Variants in WDPCP observed in about 807,000 individuals in gnomAD.
WDPCP encodes the protein WD repeat-containing and planar cell polarity effector protein fritz homolog.
WDPCP carries 71 observed loss-of-function variants against 93.1 expected under a neutral mutation model. That is an observed-to-expected ratio of 0.76 (90% CI 0.63 to 0.93). The LOEUF (loss-of-function observed/expected upper bound fraction) is 0.93, where lower values mean the gene tolerates loss of function less well. WDPCP is among the 40% of genes least tolerant of loss of function. The pLI is 0.00. For missense variants in WDPCP, 844 were observed against 887.4 expected (o/e 0.95, Z 0.62); for synonymous variants, 315 against 315.0 (o/e 1.00, Z 0.00).
chr2:63,141,575 G>A (rs1671065250), intron 17 of WDPCP, among the ~76,000 whole-genome samples: 2 of 152,122 alleles, frequency 1.3e-5, no homozygotes, highest in African/African-American at 4.8e-5. Flanking sequence ...TCGGTCTATA[G>A]TTTTCTTTTT....
intron 1 of WDPCP, among the ~76,000 whole-genome samples, chr2:63,549,019 T>A (rs571403188): frequency 2.0e-5 from 3 of 151,626 alleles, no homozygotes; most frequent in Non-Finnish European, 4.4e-5. Context: ...GAGGCAGAGG[T>A]GGGTGGATCA....
At chr2:63,188,298 C>T (rs1361733043) in intron 14 of WDPCP, among the ~76,000 whole-genome samples, 1 of 152,082 alleles carries the variant, frequency 6.6e-6, no homozygotes, top group African/African-American at 2.4e-5. Context: ...TTCTTTCCTC[C>T]TTTTGAGACT....
chr2:63,737,714 C>T (rs1669658213), intron 2 of WDPCP, among the ~76,000 whole-genome samples: 2 of 152,124 alleles, frequency 1.3e-5, no homozygotes, highest in African/African-American at 2.4e-5. Context: ...AAAACTTAGG[C>T]TCAACCTTTA....
At chr2:63,494,287 T>TGACAACGAC (rs1701076891) in intron 1 of WDPCP, among the ~76,000 whole-genome samples, 3 of 150,334 alleles carry the variant, frequency 2.0e-5, no homozygotes, top group African/African-American at 7.4e-5. Context: ...ATGATGATGA[T>TGACAACGAC]GACGACGACG....
chr2:63,683,666 T>G (rs1013833758), intron 2 of WDPCP, among the ~76,000 whole-genome samples: 2 of 152,054 alleles, frequency 1.3e-5, no homozygotes, highest in African/African-American at 2.4e-5. Flanking sequence ...CTGGCCAACA[T>G]GGTGAAAACC....
At chr2:63,708,879 G>T (rs1247079214) in intron 2 of WDPCP, among the ~76,000 whole-genome samples, 1 of 151,422 alleles carries the variant, frequency 6.6e-6, no homozygotes, top group Non-Finnish European at 1.5e-5. Context: ...CAAAGTGCTG[G>T]GATTGCAGGC....
chr2:63,334,061 A>G (rs1020108544), intron 12 of WDPCP, among the ~76,000 whole-genome samples: 11 of 152,214 alleles, frequency 7.2e-5, no homozygotes, highest in African/African-American at 2.7e-4. Flanking sequence ...AAACACATCC[A>G]TTGGAATTCT....
chr2:63,542,819 T>C (rs1234601386), intron 1 of WDPCP, among the ~76,000 whole-genome samples: 1 of 152,150 alleles, frequency 6.6e-6, no homozygotes, highest in East Asian at 1.9e-4. Context: ...TCTGTGCACA[T>C]ATACATCTGT....
intron 12 of WDPCP, among the ~76,000 whole-genome samples, chr2:63,345,832 A>G (rs1386246197): frequency 1.3e-5 from 2 of 152,086 alleles, no homozygotes; most frequent in Non-Finnish European, 2.9e-5. Flanking sequence ...TTTCCCCACA[A>G]TGTAGTACCT....
intron 6 of WDPCP, among the ~76,000 whole-genome samples, chr2:63,445,373 G>A (rs1400542510): frequency 6.6e-6 from 1 of 152,018 alleles, no homozygotes; most frequent in Non-Finnish European, 1.5e-5. Flanking sequence ...TTCAATATAT[G>A]GAATACAACG....
intron 6 of WDPCP, chr2:63,442,968 A>G (rs1224199418): frequency 6.6e-6 from 1 of 152,158 alleles, no homozygotes. Context: ...AGCCAAAAGC[A>G]TGCATACACT....
intron 14 of WDPCP, among the ~76,000 whole-genome samples, chr2:63,217,372 C>G (rs1046790533): frequency 3.9e-5 from 6 of 152,234 alleles, no homozygotes; most frequent in Admixed American, 3.9e-4. Flanking sequence ...AAAATACTAT[C>G]TGGCCCTTTA....
intron 1 of WDPCP, among the ~76,000 whole-genome samples, chr2:63,581,471 C>T (rs1417271841): frequency 1.3e-5 from 2 of 152,106 alleles, no homozygotes; most frequent in Non-Finnish European, 2.9e-5. Context: ...TCATATCGGG[C>T]TGGGAATAGT....
chr2:63,641,385 T>C (rs1460121578), intron 3 of WDPCP, among the ~76,000 whole-genome samples: 1 of 152,224 alleles, frequency 6.6e-6, no homozygotes, highest in East Asian at 1.9e-4. Context: ...TCCATAGTAG[T>C]TGTACTAATT....
chr2:63,745,056 TTA>T (rs1486176683), intron 2 of WDPCP, among the ~76,000 whole-genome samples: 4 of 152,160 alleles, frequency 2.6e-5, no homozygotes, highest in Non-Finnish European at 5.9e-5. Context: ...GAATTTATGT[TTA>T]GTCTGGTTGT....
chr2:63,811,212 T>A (rs1426529160), intron 2 of WDPCP, among the ~76,000 whole-genome samples: 1 of 152,232 alleles, frequency 6.6e-6, no homozygotes, highest in South Asian at 2.1e-4. Context: ...TGCCTCTTGG[T>A]GTTCACATCT....
chr2:63,226,160 A>G (rs1035787373), intron 14 of WDPCP, among the ~76,000 whole-genome samples: 1 of 151,902 alleles, frequency 6.6e-6, no homozygotes, highest in Non-Finnish European at 1.5e-5. Context: ...CAGAGGCTTT[A>G]GAAAAATAAA....
intron 2 of WDPCP, among the ~76,000 whole-genome samples, chr2:63,764,195 C>T (rs1329591269): frequency 6.6e-6 from 1 of 152,160 alleles, no homozygotes; most frequent in Non-Finnish European, 1.5e-5. Flanking sequence ...AGCAGTCACC[C>T]TGAGAATTAT....
At chr2:63,571,734 C>A (rs1042418650) in intron 1 of WDPCP, 18 of 421,514 alleles carry the variant, frequency 4.3e-5, no homozygotes, top group Non-Finnish European at 6.7e-5. Context: ...GGACACAAGA[C>A]CATCAGGTGA....
Sources: allele counts gnomAD v4.1 joint callset (sites outside exome capture counted in the v4.1 genomes callset), GRCh38; gene constraint gnomAD v4.1.1; transcripts MANE v1.5; gene names NCBI Gene and HGNC (gene_info 2026-07-23, HGNC 2026-07-21).